ARHGAP39: variants seen among roughly 807,000 people sequenced by gnomAD.
ARHGAP39 encodes Rho GTPase activating protein 39.
ARHGAP39 carries 44 observed loss-of-function variants against 106.9 expected under a neutral mutation model. The observed-to-expected ratio is 0.41, with a 90% CI of 0.32 to 0.53. The LOEUF is 0.53. ARHGAP39 is among the 20% of genes least tolerant of loss of function. The pLI, the probability that ARHGAP39 is intolerant of heterozygous loss-of-function variation, is 0.21. For missense variants in ARHGAP39, 1,496 were observed against 1,577.3 expected (o/e 0.95, Z 0.87); for synonymous variants, 768 against 693.2 (o/e 1.11, Z -1.69).
At chr8:144,598,739 G>A (rs1339072435) in intron 2 of ARHGAP39, among the ~76,000 whole-genome samples, 2 of 152,216 alleles carry the variant, frequency 1.3e-5, no homozygotes, top group East Asian at 3.8e-4. Context: ...CTGGATGGAG[G>A]TGACTAAAAC....
intron 1 of ARHGAP39, among the ~76,000 whole-genome samples, chr8:144,664,083 C>T (rs1054439104): frequency 2.6e-5 from 4 of 152,096 alleles, no homozygotes; most frequent in Admixed American, 2.0e-4. Flanking sequence ...GGGAGAATTG[C>T]TTGAACCCAG....
chr8:144,567,679 T>C (rs1315052927), intron 3 of ARHGAP39, among the ~76,000 whole-genome samples: 3 of 152,204 alleles, frequency 2.0e-5, no homozygotes, highest in Non-Finnish European at 4.4e-5. Flanking sequence ...GCCTTCTAGA[T>C]AGCAGTAGAA....
At chr8:144,599,997 G>A (rs1486604745) in intron 2 of ARHGAP39, among the ~76,000 whole-genome samples, 1 of 152,214 alleles carries the variant, frequency 6.6e-6, no homozygotes, top group Non-Finnish European at 1.5e-5. Flanking sequence ...ACGGGACTGG[G>A]GCACCGTGTG....
the ARHGAP39 span, chr8:144,698,718 G>T: frequency 2.5e-6 from 1 of 398,998 alleles, no homozygotes; most frequent in Non-Finnish European, 5.1e-6. Flanking sequence ...TGGCCTGCCT[G>T]GCACAGTCTG....
the ARHGAP39 span, among the ~76,000 whole-genome samples, chr8:144,697,455 T>C: frequency 3.3e-5 from 5 of 152,218 alleles, no homozygotes; most frequent in Admixed American, 6.5e-5. Flanking sequence ...TTACTCAGAA[T>C]GGCTCTAGAA....
rs1380084168 is a variant in ARHGAP39, at chr8:144,647,075, TCTC to T, written c.-82+38608_-82+38610del. ...GCTCCGCCTCCTGGGTTCACACCAT[TCTC>T]CTGCCTCAGCCTCCCGAGTAGCTGG... On this transcript the variant is annotated intron_variant, in intron 1 of 11. Transcript: ENST00000377307. The surrounding 1 kb of genome is among the most constrained non-coding windows in gnomAD (Gnocchi z 4.8). 6.6e-6 allele frequency among the ~76,000 whole-genome samples: 1 copy of T among 151,636 alleles called. No homozygotes were observed. The highest frequency in any genetic ancestry group is 6.6e-5 in the Admixed American group (1 of 15,232).
At position 144,604,321 on chromosome 8, in the gene ARHGAP39, C is replaced by G. The variant is rs1357859843; in HGVS notation, c.80+1214G>C. The stretch of plus-strand genomic sequence containing the variant: ...GGGGCCCGGGAGGACCCAACACCAC[C>G]TGTATGGCATTCTCCTGAAAAACTG... On this transcript the variant is annotated intron_variant, in intron 2 of 11. Transcript: ENST00000377307. The surrounding 1 kb of genome is among the most constrained non-coding windows in gnomAD (Gnocchi z 4.1). 6.6e-6 allele frequency among the ~76,000 whole-genome samples: 1 copy of G among 152,208 alleles called. No individual in the cohort carries two copies. Among genetic ancestry groups the G allele is most frequent in the African/African-American group, 2.4e-5 (1 of 41,454 alleles).
chr8:144,537,216 C>T lies in ARHGAP39; in HGVS notation c.2614+505G>A, dbSNP rs114718113. Among the ~76,000 whole-genome samples the T allele has an allele frequency of 2.4e-3, 366 of 152,164 alleles. 3 individuals are homozygous for T. Among genetic ancestry groups the T allele is most frequent in the African/African-American group, 8.4e-3 (348 of 41,508 alleles). Reference sequence around the variant, plus strand: ...TGCTGGTGGGGAGGGTGGGGAAGCCCTCCCCCTGCTTCTGGGGCTGTGCTA... The same window carrying T: ...TGCTGGTGGGGAGGGTGGGGAAGCCTTCCCCCTGCTTCTGGGGCTGTGCTA... On this transcript the variant is annotated intron_variant, in intron 7 of 11. Coordinates refer to ENST00000377307, the MANE Select transcript of ARHGAP39 (RefSeq NM_025251.3).
chr8:144,639,352 A>C (rs935060125), intron 1 of ARHGAP39, among the ~76,000 whole-genome samples: 2 of 151,854 alleles, frequency 1.3e-5, no homozygotes, highest in African/African-American at 4.8e-5. Context: ...GAAAGAAAGA[A>C]AGAAAGAAAG....
chr8:144,601,852 TAG>T (rs1021087810), intron 2 of ARHGAP39, among the ~76,000 whole-genome samples: 9 of 135,440 alleles, frequency 6.6e-5, no homozygotes, highest in Non-Finnish European at 1.2e-4. Context: ...TGCATGTGCG[TAG>T]AGGTGTGTGT....
At chr8:144,655,450 T>A (rs183146012) in intron 1 of ARHGAP39, among the ~76,000 whole-genome samples, 30 of 152,168 alleles carry the variant, frequency 2.0e-4, no homozygotes, top group Non-Finnish European at 4.0e-4. Context: ...GCTTCTTCTC[T>A]GCTAGGAGCT....
chr8:144,626,995 G>C (rs1358925114), intron 1 of ARHGAP39, among the ~76,000 whole-genome samples: 1 of 152,216 alleles, frequency 6.6e-6, no homozygotes, highest in Non-Finnish European at 1.5e-5. Context: ...TGTCCCCCCT[G>C]GGGAGAGGAT....
intron 3 of ARHGAP39, among the ~76,000 whole-genome samples, chr8:144,572,312 A>G (rs1343266746): frequency 6.6e-6 from 1 of 152,220 alleles, no homozygotes; most frequent in African/African-American, 2.4e-5. Flanking sequence ...GAGGCCTCAG[A>G]AATAACACCA....
Position 144,530,520 on chromosome 8 carries a change from C to T in ARHGAP39, c.3247G>A (p.Asp1083Asn). 5 of 1,612,114 alleles carry T rather than the reference C, an allele frequency of 3.1e-6. No homozygotes were observed. The highest frequency in any genetic ancestry group is 4.2e-6 in the Non-Finnish European group (5 of 1,179,708). Reference protein sequence around the residue: ...APNCLRCQSDDPRVIFENTRK... With the variant: ...APNCLRCQSDNPRVIFENTRK... Reference sequence around the variant, plus strand: ...GTGTTCTCGAAGATGACGCGCGGGTCGTCGGACTGGCAGCGCAAGCAGTTG... The same window carrying T: ...GTGTTCTCGAAGATGACGCGCGGGTTGTCGGACTGGCAGCGCAAGCAGTTG... Residue 1083 changes from aspartate to asparagine, a missense_variant, in exon 12 of 12, where the codon GAC becomes AAC. Transcript: ENST00000377307.
Position 144,585,555 on chromosome 8 carries a change from T to C in ARHGAP39, c.81-4278A>G, listed in dbSNP as rs1433498947. ...GGAGACAACCCTTGGCCTCAGCCCATGATACAAAGTGTCAATGACTCCCAT... is the reference window on the plus strand; with the variant it reads ...GGAGACAACCCTTGGCCTCAGCCCACGATACAAAGTGTCAATGACTCCCAT... On this transcript the variant is annotated intron_variant, in intron 2 of 11. Coordinates refer to ENST00000377307, the MANE Select transcript of ARHGAP39 (RefSeq NM_025251.3). This position sits in a 1 kb window ranked among gnomAD's most constrained non-coding sequence, Gnocchi z 4.6. Among the ~76,000 whole-genome samples, 2 of 152,058 alleles carry C rather than the reference T, an allele frequency of 1.3e-5. No individual in the cohort carries two copies. Among genetic ancestry groups the C allele is most frequent in the African/African-American group, 4.8e-5 (2 of 41,406 alleles).
At chr8:144,578,722 G>T (rs1285685052) in intron 3 of ARHGAP39, among the ~76,000 whole-genome samples, 1 of 151,992 alleles carries the variant, frequency 6.6e-6, no homozygotes, top group African/African-American at 2.4e-5. Flanking sequence ...GTGGTGGCAC[G>T]TGCCTGCAGT....
rs1820255610 is a variant in ARHGAP39, at chr8:144,605,556, C to T, written c.59G>A (p.Arg20Lys). ...TTACCGAGTGTTCGACCCTGGAATCCTCGACTCCGGCAGGTCGACATTATG... is the reference window on the plus strand; with the variant it reads ...TTACCGAGTGTTCGACCCTGGAATCTTCGACTCCGGCAGGTCGACATTATG... ...RSHNVDLPES[R>K]IPGSNTRLEW... is the part of the protein sequence containing the mutation. The change falls in exon 2 of 12, where the codon AGG becomes AAG. Residue 20 changes from arginine (R) to lysine (K), a missense_variant. This residue lies in a region of ARHGAP39 where 96 missense variants were observed against 107.9 expected (regional missense o/e 0.89). Coordinates refer to ENST00000377307, the MANE Select transcript of ARHGAP39 (RefSeq NM_025251.3). 1.2e-6 allele frequency: 2 copies of T among 1,613,950 alleles called. No individual in the cohort carries two copies. Among genetic ancestry groups the T allele is most frequent in the African/African-American group, 1.3e-5 (1 of 74,936 alleles).
chr8:144,644,056 C>T lies in ARHGAP39; in HGVS notation c.-81-38361G>A, dbSNP rs1024535853. Among the ~76,000 whole-genome samples, 4 of 152,206 alleles carry T rather than the reference C, an allele frequency of 2.6e-5. No homozygotes were observed. Among genetic ancestry groups the T allele is most frequent in the African/African-American group, 4.8e-5 (2 of 41,446 alleles). ...TCTACCACGTGACCCAGCAATTCCACTCCCAGGAATCTAGTCGGGAGACAT... is the reference window on the plus strand; with the variant it reads ...TCTACCACGTGACCCAGCAATTCCATTCCCAGGAATCTAGTCGGGAGACAT... On this transcript the variant is annotated intron_variant, in intron 1 of 11. Transcript: ENST00000377307. The surrounding 1 kb of genome is among the most constrained non-coding windows in gnomAD (Gnocchi z 4.8).
chr8:144,551,060 G>GCATA (rs1817670663), intron 4 of ARHGAP39, among the ~76,000 whole-genome samples: 1 of 152,214 alleles, frequency 6.6e-6, no homozygotes, highest in Non-Finnish European at 1.5e-5. Context: ...CATTAGTTTT[G>GCATA]CATATCTGTG....
Sources: allele counts gnomAD v4.1 joint callset (sites outside exome capture counted in the v4.1 genomes callset), GRCh38; gene constraint gnomAD v4.1.1; regional missense constraint gnomAD v4.1.1; non-coding constraint Gnocchi (gnomAD v3.1); transcripts MANE v1.5; gene names NCBI Gene and HGNC (gene_info 2026-07-23, HGNC 2026-07-21).